The following MECOM variants were observed in gnomAD, a reference collection of about 807,000 sequenced individuals.
MECOM encodes the protein histone-lysine N-methyltransferase MECOM.
A neutral mutation model predicts 116.3 loss-of-function variants in MECOM; 13 were observed. The observed-to-expected ratio is 0.11, with a 90% confidence interval of 0.07 to 0.18. The LOEUF (loss-of-function observed/expected upper bound fraction) is 0.18, where lower values mean the gene tolerates loss of function less well. Among genes scored for constraint, MECOM ranks in the 10% least tolerant of loss-of-function variants. The pLI, the probability that MECOM is intolerant of heterozygous loss-of-function variation, is 1.00. For synonymous variants in MECOM, 528 were observed against 535.2 expected (o/e 0.99, Z 0.19); for missense variants, 1,299 against 1,509.0 (o/e 0.86, Z 2.31).
At chr3:169,369,931 T>C (rs1293583618) in intron 2 of MECOM, among the ~76,000 whole-genome samples, 1 of 152,050 alleles carries the variant, frequency 6.6e-6, no homozygotes, top group Non-Finnish European at 1.5e-5. Context: ...AGACAATCTT[T>C]TGGATAGCTG....
chr3:169,388,463 T>A (rs754032876), intron 1 of MECOM, among the ~76,000 whole-genome samples: 1 of 152,026 alleles, frequency 6.6e-6, no homozygotes, highest in Non-Finnish European at 1.5e-5. Context: ...AAATCTTCTA[T>A]GAGAATGGCC....
intron 4 of MECOM, 95 bp downstream of exon 4, chr3:169,131,334 G>A: frequency 9.2e-7 from 1 of 1,092,490 alleles, no homozygotes; most frequent in Non-Finnish European, 1.4e-6. Context: ...AAAAGCCAGG[G>A]AAACTAACAA....
chr3:169,254,855 G>A (rs574826989), intron 2 of MECOM, among the ~76,000 whole-genome samples: 6 of 152,038 alleles, frequency 3.9e-5, no homozygotes, highest in Admixed American at 6.6e-5. Context: ...AGAAGGGCAG[G>A]ATGATAGATA....
intron 2 of MECOM, among the ~76,000 whole-genome samples, chr3:169,349,016 AT>A (rs1553815546): frequency 6.6e-6 from 1 of 151,688 alleles, no homozygotes; most frequent in Non-Finnish European, 1.5e-5. Flanking sequence ...GTGGAACTGC[AT>A]TTTTTTACAT....
chr3:169,537,700 T>G (rs533120277), intron 1 of MECOM, among the ~76,000 whole-genome samples: 1 of 146,026 alleles, frequency 6.8e-6, no homozygotes, highest in Admixed American at 7.1e-5. Context: ...ACTGATATAG[T>G]ACATGCAGCA....
At chr3:169,648,139 G>A (rs916102361) in intron 1 of MECOM, among the ~76,000 whole-genome samples, 2 of 152,208 alleles carry the variant, frequency 1.3e-5, no homozygotes, top group African/African-American at 4.8e-5. Context: ...TCCAGAAGCA[G>A]TAGAAGGAAA....
At chr3:169,324,130 G>A (rs867054880) in intron 2 of MECOM, among the ~76,000 whole-genome samples, 1 of 152,326 alleles carries the variant, frequency 6.6e-6, no homozygotes, top group Middle Eastern at 3.4e-3. Context: ...GGGCATGGGG[G>A]TGGAGAGGAA....
At chr3:169,297,028 G>A (rs147216025) in intron 2 of MECOM, among the ~76,000 whole-genome samples, 1 of 152,294 alleles carries the variant, frequency 6.6e-6, no homozygotes, top group East Asian at 1.9e-4. Flanking sequence ...CACCAGCTGT[G>A]CTCTTTCAAC....
intron 10 of MECOM, among the ~76,000 whole-genome samples, chr3:169,104,985 C>A (rs1724876240): frequency 6.6e-6 from 1 of 150,782 alleles, no homozygotes; most frequent in East Asian, 1.9e-4. Flanking sequence ...TACAAGCCTC[C>A]CCCACCTTTG....
intron 1 of MECOM, among the ~76,000 whole-genome samples, chr3:169,658,242 C>A (rs1193632303): frequency 1.3e-5 from 2 of 152,192 alleles, no homozygotes; most frequent in Admixed American, 6.5e-5. Context: ...CGGCTTCCAG[C>A]GGAAGAAGGG....
At chr3:169,267,024 C>T (rs1263844648) in intron 2 of MECOM, among the ~76,000 whole-genome samples, 1 of 152,180 alleles carries the variant, frequency 6.6e-6, no homozygotes, top group Non-Finnish European at 1.5e-5. Flanking sequence ...AAAAGCCCCT[C>T]AAAGGGGACT....
At chr3:169,156,247 A>G (rs6444842) in intron 2 of MECOM, among the ~76,000 whole-genome samples, 10,827 of 152,216 alleles carry the variant, frequency 0.071, 501 homozygotes, top group South Asian at 0.19. Flanking sequence ...AGTCTAGGAA[A>G]TCCTTTAGTA....
intron 1 of MECOM, among the ~76,000 whole-genome samples, chr3:169,445,162 A>G (rs1744408484): frequency 6.6e-6 from 1 of 152,238 alleles, no homozygotes; most frequent in South Asian, 2.1e-4. Context: ...AGCCAACTGC[A>G]GAAATTTGCA....
intron 1 of MECOM, among the ~76,000 whole-genome samples, chr3:169,555,894 C>T (rs1004664697): frequency 1.3e-4 from 20 of 152,184 alleles, no homozygotes; most frequent in African/African-American, 4.3e-4. Context: ...GGCATCTAAA[C>T]GATCTCTGAA....
At chr3:169,406,103 A>AT (rs1736653072) in intron 1 of MECOM, among the ~76,000 whole-genome samples, 1 of 152,152 alleles carries the variant, frequency 6.6e-6, no homozygotes, top group South Asian at 2.1e-4. Context: ...ATACACTTTG[A>AT]TTTTTTCCCC....
At chr3:169,617,814 A>G (rs1770205932) in intron 1 of MECOM, among the ~76,000 whole-genome samples, 1 of 152,232 alleles carries the variant, frequency 6.6e-6, no homozygotes, top group South Asian at 2.1e-4. Context: ...ACCTGCCATC[A>G]GAGTCTATAC....
chr3:169,362,275 T>C (rs749046645), intron 2 of MECOM, among the ~76,000 whole-genome samples: 1 of 151,812 alleles, frequency 6.6e-6, no homozygotes, highest in African/African-American at 2.4e-5. Context: ...ATAGAACATG[T>C]CCATAAAGAT....
rs189497796 is a variant in MECOM at position 169,222,467 on chromosome 3, A to G, written c.376-78635T>C. Among the ~76,000 whole-genome samples, 76 of 152,320 alleles carry G rather than the reference A, an allele frequency of 5.0e-4. 1 individual carries two copies. Among genetic ancestry groups the G allele is most frequent in the Admixed American group, 1.0e-3 (16 of 15,296 alleles). On this transcript the variant is annotated intron_variant, in intron 2 of 16. Coordinates refer to ENST00000651503, the MANE Select transcript of MECOM (RefSeq NM_004991.4). The stretch of plus-strand genomic sequence containing the variant: ...CCACATGATGGCACTAAAATGGCCT[A>G]TTAGATTTACAGTGTCATTAACTTT...
chr3:169,382,857 AAAAAAAAT>A (rs1454500604), intron 1 of MECOM, among the ~76,000 whole-genome samples: 4 of 103,186 alleles, frequency 3.9e-5, no homozygotes, highest in African/African-American at 1.6e-4. Flanking sequence ...CTCAAAAAAA[AAAAAAAAT>A]AAAAAAAATA....
Sources: gnomAD v4.1 joint callset for allele counts (sites outside exome capture counted in the v4.1 genomes callset) on GRCh38, gnomAD v4.1.1 for gene constraint, MANE v1.5 for transcripts, NCBI Gene and HGNC (gene_info 2026-07-23, HGNC 2026-07-21) for gene names.